SYNE1: variants seen among roughly 807,000 people sequenced by gnomAD.
SYNE1 encodes spectrin repeat containing nuclear envelope protein 1.
In SYNE1, 616 loss-of-function variants were observed where a neutral mutation model predicts 1,111.0. The ratio of observed to expected loss-of-function variants is 0.55; its 90% CI spans 0.52 to 0.59. SYNE1 has a LOEUF of 0.59. SYNE1 is among the 20% of genes least tolerant of loss of function. The pLI is 0.00. For synonymous variants in SYNE1, 3,855 were observed against 3,825.8 expected (o/e 1.01, Z -0.28); for missense variants, 10,006 against 10,417.0 (o/e 0.96, Z 1.72).
In SYNE1 at chr6:152,347,493, C is replaced by G. The variant is rs7762904; in HGVS notation, c.11902-258G>C. ...CTTTAACACTAGAATGTGTTCATGG[C>G]TGGTCTCAGAGAGATAATACTCCAT... On this transcript the variant is annotated intron_variant, in intron 72 of 145. Transcript: ENST00000367255. Among the ~76,000 whole-genome samples the G allele has an allele frequency of 0.57, 85,821 of 151,786 alleles. 24,705 individuals are homozygous for G. The highest frequency in any genetic ancestry group is 0.66 in the East Asian group (3,384 of 5,162).
intron 93 of SYNE1, 84 bp from the exon 94 acceptor site, chr6:152,294,211 GGA>G: frequency 6.8e-7 from 1 of 1,474,558 alleles, no homozygotes; most frequent in Non-Finnish European, 9.2e-7. Flanking sequence ...GTCATGTCAA[GGA>G]AAGGTTTCAG....
At position 152,492,343 on chromosome 6, in the gene SYNE1, G is replaced by A. The variant is rs985207241; in HGVS notation, c.940-3840C>T. 3.9e-5 allele frequency among the ~76,000 whole-genome samples: 6 copies of A among 152,180 alleles called. No individual in the cohort carries two copies. In the South Asian group the frequency reaches 8.3e-4, roughly 21 times the overall value. ...AATAATAGAGAAGAGTCAGCCAAGCGGCAACTTATTTCTGAGTTGCAATTA... is the reference window on the plus strand; with the variant it reads ...AATAATAGAGAAGAGTCAGCCAAGCAGCAACTTATTTCTGAGTTGCAATTA... On this transcript the variant is annotated intron_variant, in intron 11 of 145. Coordinates refer to ENST00000367255, the MANE Select transcript of SYNE1 (RefSeq NM_182961.4).
At position 152,367,747 on chromosome 6, in the gene SYNE1, A is replaced by G. The variant is rs115764602; in HGVS notation, c.9808-365T>C. The G allele has an allele frequency of 1.1e-3, 288 of 268,146 alleles. 1 individual carries two copies. Among genetic ancestry groups the G allele is most frequent in the African/African-American group, 6.2e-3 (281 of 45,388 alleles). The allele number at this position is 268,146 out of a possible 1,614,324, so 16.6% of individuals were successfully genotyped here. A position where few individuals can be genotyped will look rare whatever the true frequency, so the allele number is the denominator to read the frequency against. On this transcript the variant is annotated intron_variant, in intron 61 of 145. Coordinates refer to ENST00000367255, the MANE Select transcript of SYNE1 (RefSeq NM_182961.4). ...CCTGACACAACAACCCACATGACCT[A>G]CATTGTAGCCAGAGTTCTAAAAAAA...
rs1449494691 is a variant in SYNE1 at position 152,218,327 on chromosome 6, A to G, written c.22121T>C (p.Ile7374Thr). ...GTGGCTAGGGTCCTGCCCTTGTAGTATTTCTTCAGCTTCCACTATCCAGGC... is the reference window on the plus strand; with the variant it reads ...GTGGCTAGGGTCCTGCCCTTGTAGTGTTTCTTCAGCTTCCACTATCCAGGC... ...LEAWIVEAEE[I>T]LQGQDPSHSS... Residue 7374 changes from isoleucine to threonine, a missense_variant, in exon 121 of 146, where the codon ATA becomes ACA. Around this residue, in one of 7 missense-constraint regions of SYNE1, gnomAD observed 2,182 missense variants for 2,287.8 expected, o/e 0.95. Coordinates refer to ENST00000367255, the MANE Select transcript of SYNE1 (RefSeq NM_182961.4). 1 of 1,613,824 alleles carries G rather than the reference A, an allele frequency of 6.2e-7. No homozygotes were observed. Among genetic ancestry groups the G allele is most frequent in the Non-Finnish European group, 8.5e-7 (1 of 1,179,972 alleles).
chr6:152,411,030 T>C (rs2098026355), intron 42 of SYNE1, among the ~76,000 whole-genome samples: 1 of 152,236 alleles, frequency 6.6e-6, no homozygotes, highest in African/African-American at 2.4e-5. Context: ...TTAAAATGCC[T>C]ACAGAAATAG....
intron 32 of SYNE1, among the ~76,000 whole-genome samples, chr6:152,439,757 C>T (rs1235357739): frequency 6.6e-6 from 1 of 152,110 alleles, no homozygotes; most frequent in Non-Finnish European, 1.5e-5. Flanking sequence ...CAAGGCTCTT[C>T]TTTCTAAGAC....
rs185104410 is a variant in SYNE1, at chr6:152,267,396, C to A, written c.18815+660G>T. On this transcript the variant is annotated intron_variant, in intron 100 of 145. Transcript: ENST00000367255. ...AATTATCACAAAACTTCTGTGATGACCTTAGTGGATTATTATTCTAAATTC... is the reference window on the plus strand; with the variant it reads ...AATTATCACAAAACTTCTGTGATGAACTTAGTGGATTATTATTCTAAATTC... Among the ~76,000 whole-genome samples, 704 of 152,220 alleles carry A rather than the reference C, an allele frequency of 4.6e-3. 4 individuals are homozygous for A. Among genetic ancestry groups the A allele is most frequent in the Non-Finnish European group, 6.3e-3 (430 of 68,032 alleles).
intron 18 of SYNE1, among the ~76,000 whole-genome samples, chr6:152,464,047 G>A (rs1280273254): frequency 6.6e-6 from 1 of 152,120 alleles, no homozygotes; most frequent in Non-Finnish European, 1.5e-5. Context: ...TGCTACTTTT[G>A]ATTTTTAAAT....
intron 130 of SYNE1, among the ~76,000 whole-genome samples, chr6:152,173,037 C>A (rs892246281): frequency 6.6e-6 from 1 of 152,130 alleles, no homozygotes; most frequent in Admixed American, 6.5e-5. Context: ...TACAGCAGAT[C>A]TAGAAAGTAT....
chr6:152,163,670 T>C (rs1208302239), intron 131 of SYNE1, among the ~76,000 whole-genome samples: 1 of 152,168 alleles, frequency 6.6e-6, no homozygotes, highest in Non-Finnish European at 1.5e-5. Context: ...GTGTGCGATC[T>C]GCAGGTCATG....
At chr6:152,419,990 C>A (rs2098229050) in intron 39 of SYNE1, among the ~76,000 whole-genome samples, 1 of 152,138 alleles carries the variant, frequency 6.6e-6, no homozygotes. Flanking sequence ...TCTATGGATA[C>A]CCTCTCAGCA....
chr6:152,182,216 A>G (rs1391610003), intron 128 of SYNE1, among the ~76,000 whole-genome samples: 1 of 152,212 alleles, frequency 6.6e-6, no homozygotes, highest in East Asian at 1.9e-4. Flanking sequence ...TTCTGATTTC[A>G]AAATATAATA....
chr6:152,532,430 C>T lies in SYNE1; in HGVS notation c.130-6255G>A, dbSNP rs150394158. Among the ~76,000 whole-genome samples, 392 of 152,224 alleles carry T rather than the reference C, an allele frequency of 2.6e-3. 3 individuals carry two copies. Among genetic ancestry groups the T allele is most frequent in the Admixed American group, 7.5e-3 (114 of 15,286 alleles). On this transcript the variant is annotated intron_variant, in intron 4 of 145. Coordinates refer to ENST00000367255, the MANE Select transcript of SYNE1 (RefSeq NM_182961.4). ...CAATATTTTACTTTAAACTACTAAACACATATCCTATGGCTTAATATTTGT... is the reference window on the plus strand; with the variant it reads ...CAATATTTTACTTTAAACTACTAAATACATATCCTATGGCTTAATATTTGT...
intron 123 of SYNE1, among the ~76,000 whole-genome samples, chr6:152,212,548 T>C (rs1398282240): frequency 6.6e-6 from 1 of 152,184 alleles, no homozygotes. Context: ...TTGGGTTGTC[T>C]CCACCTTTTG....
chr6:152,566,470 G>A (rs1274958105), intron 3 of SYNE1, among the ~76,000 whole-genome samples: 1 of 151,646 alleles, frequency 6.6e-6, no homozygotes, highest in African/African-American at 2.4e-5. Flanking sequence ...GTGCAGAGGG[G>A]ACACAGGAAG....
intron 7 of SYNE1, among the ~76,000 whole-genome samples, 185 bp downstream of exon 7, chr6:152,510,825 CA>C (rs1368626722): frequency 6.6e-6 from 1 of 152,160 alleles, no homozygotes; most frequent in East Asian, 1.9e-4. Context: ...GTTCCACATG[CA>C]ACAGCTTTGC....
intron 140 of SYNE1, among the ~76,000 whole-genome samples, chr6:152,137,532 G>A (rs1433578016): frequency 6.6e-6 from 1 of 152,186 alleles, no homozygotes; most frequent in Non-Finnish European, 1.5e-5. Flanking sequence ...AAAACCAGGT[G>A]ACTGATTTTT....
Position 152,241,034 on chromosome 6 carries a change from C to A in SYNE1, c.19893+1206G>T, listed in dbSNP as rs532128954. Reference sequence around the variant, plus strand: ...TTTACAAGCCCATCTCCCCTAAAAGCCTTGGCTGGACTTCTCATGGCCAGA... The same window carrying A: ...TTTACAAGCCCATCTCCCCTAAAAGACTTGGCTGGACTTCTCATGGCCAGA... On this transcript the variant is annotated intron_variant, in intron 107 of 145. Coordinates refer to ENST00000367255, the MANE Select transcript of SYNE1 (RefSeq NM_182961.4). 5.3e-5 allele frequency among the ~76,000 whole-genome samples: 8 copies of A among 152,298 alleles called. No homozygotes were observed. The South Asian group carries it at 1.7e-3, about 32-fold the overall frequency.
chr6:152,350,816 C>G, intron 70 of SYNE1, 46 bp from the exon 71 acceptor site: 5 of 1,609,168 alleles, frequency 3.1e-6, no homozygotes, highest in Non-Finnish European at 4.3e-6. Context: ...TCTCCGTGGA[C>G]AAGATGAATA....
Sources: allele counts gnomAD v4.1 joint callset (sites outside exome capture counted in the v4.1 genomes callset), GRCh38; gene constraint gnomAD v4.1.1; regional missense constraint gnomAD v4.1.1; transcripts MANE v1.5; gene names NCBI Gene and HGNC (gene_info 2026-07-23, HGNC 2026-07-21).